LIPC: variants seen among roughly 807,000 people sequenced by gnomAD.
The protein encoded by LIPC is hepatic triacylglycerol lipase.
In LIPC, 44 loss-of-function variants were observed where a neutral mutation model predicts 50.7. That is an observed-to-expected ratio of 0.87 (90% CI 0.68 to 1.11). The LOEUF (loss-of-function observed/expected upper bound fraction) is 1.11, where lower values mean the gene tolerates loss of function less well. Among genes scored for constraint, LIPC ranks in the 50% most tolerant of loss-of-function variants. LIPC has a pLI of 0.00. For synonymous variants in LIPC, 271 were observed against 256.4 expected (o/e 1.06, Z -0.54); for missense variants, 697 against 648.2 (o/e 1.08, Z -0.82).
intron 1 of LIPC, among the ~76,000 whole-genome samples, chr15:58,491,896 A>G (rs959022710): frequency 3.3e-5 from 5 of 152,158 alleles, no homozygotes; most frequent in Admixed American, 6.5e-5. Flanking sequence ...CCTTCCAGAG[A>G]TGCTAACAGG....
intron 1 of LIPC, among the ~76,000 whole-genome samples, chr15:58,530,304 A>G (rs1428463865): frequency 1.3e-5 from 2 of 152,136 alleles, no homozygotes; most frequent in East Asian, 3.9e-4. Flanking sequence ...ACCCTGCTCC[A>G]TGAGGGCTGG....
Position 58,512,961 on chromosome 15 carries a change from G to GA in LIPC, c.89-25358dup, listed in dbSNP as rs112463338. Among the ~76,000 whole-genome samples, 819 of 125,258 alleles carry GA rather than the reference G, an allele frequency of 6.5e-3. 6 individuals carry two copies. The highest frequency in any genetic ancestry group is 0.016 in the African/African-American group (526 of 33,712). The allele number at this position is 125,258 out of a possible 152,430, so 82.2% of individuals were successfully genotyped here. ...ATTGGGCAAAACACAAAGCATCAACGAAAAAAAAAAAAAAGTAAAAGTACA... is the reference window on the plus strand; with the variant it reads ...ATTGGGCAAAACACAAAGCATCAACGAAAAAAAAAAAAAAAGTAAAAGTACA... On this transcript the variant is annotated intron_variant, in intron 1 of 8. Transcript: ENST00000299022.
chr15:58,538,462 A>G lies in LIPC; in HGVS notation c.218A>G (p.Gln73Arg). 1.2e-6 allele frequency: 2 copies of G among 1,614,240 alleles called. No individual in the cohort carries two copies. The highest frequency in any genetic ancestry group is 1.7e-6 in the Non-Finnish European group (2 of 1,180,042). ...QIRINHPDTL[Q>R]ECGFNSSLPL... ...CGAATCAATCATCCGGACACGTTAC[A>G]GGAGTGCGGCTTCAACTCCTCCCTG... The change falls in exon 2 of 9, where the codon CAG (glutamine) becomes CGG (arginine). Residue 73 changes from glutamine (Q) to arginine (R), a missense_variant. Physicochemically the swap from Gln to Arg is conservative, Grantham distance 43. Transcript: ENST00000299022.
At chr15:58,446,903 T>G (rs1328392450) in intron 1 of LIPC, among the ~76,000 whole-genome samples, 1 of 152,008 alleles carries the variant, frequency 6.6e-6, no homozygotes, top group East Asian at 1.9e-4. Context: ...CCACAGCACT[T>G]TGGGAGGCCA....
intron 1 of LIPC, among the ~76,000 whole-genome samples, chr15:58,510,791 T>G (rs1194281532): frequency 6.6e-6 from 1 of 152,244 alleles, no homozygotes; most frequent in African/African-American, 2.4e-5. Flanking sequence ...CTGGATTCAA[T>G]GAAATACTAT....
intron 8 of LIPC, 165 bp downstream of exon 8, chr15:58,563,888 A>G: frequency 1.5e-6 from 1 of 681,052 alleles, no homozygotes; most frequent in Non-Finnish European, 2.7e-6. Context: ...AACTTTACAC[A>G]GCCACAGGTG....
At chr15:58,557,379 CTTTT>C (rs386383140) in intron 6 of LIPC, among the ~76,000 whole-genome samples, 29 of 75,698 alleles carry the variant, frequency 3.8e-4, no homozygotes, top group Non-Finnish European at 4.6e-4. Flanking sequence ...ATTATATGCT[CTTTT>C]TTTTTTTTTT....
chr15:58,565,015 T>A (rs1894310524), intron 8 of LIPC, among the ~76,000 whole-genome samples: 1 of 152,222 alleles, frequency 6.6e-6, no homozygotes, highest in African/African-American at 2.4e-5. Flanking sequence ...TTCTAACCTC[T>A]GAACTACCCT....
chr15:58,496,956 A>T (rs1438322371), intron 1 of LIPC, among the ~76,000 whole-genome samples: 1 of 152,134 alleles, frequency 6.6e-6, no homozygotes, highest in Non-Finnish European at 1.5e-5. Flanking sequence ...AAGTGCTGGG[A>T]TTACAGGCAT....
At position 58,470,597 on chromosome 15, in the gene LIPC, C is replaced by CTTTTTTTTT. The variant is rs5812936; in HGVS notation, c.88+38485_88+38493dup. Among the ~76,000 whole-genome samples, 6 of 136,306 alleles carry CTTTTTTTTT rather than the reference C, an allele frequency of 4.4e-5. 1 individual carries two copies. The highest frequency in any genetic ancestry group is 7.9e-5 in the Non-Finnish European group (5 of 63,250). 89.4% of individuals were successfully genotyped at this position (136,306 alleles called of 152,430 possible). ...ATACAGAAAGAATTGCATTTAACTCCTTTTTTTTTTTTTTTTGGTAGAGAC... is the reference window on the plus strand; with the variant it reads ...ATACAGAAAGAATTGCATTTAACTCCTTTTTTTTTTTTTTTTTTTTTTTTTGGTAGAGAC... On this transcript the variant is annotated intron_variant, in intron 1 of 8. Transcript: ENST00000299022.
chr15:58,533,491 G>A (rs535050606), intron 1 of LIPC, among the ~76,000 whole-genome samples: 60 of 152,254 alleles, frequency 3.9e-4, no homozygotes, highest in African/African-American at 1.3e-3. Flanking sequence ...AATAGATTCC[G>A]ATAAATATTT....
rs766788463 is a variant in LIPC, at chr15:58,538,471, G to A, written c.227G>A (p.Gly76Asp). 2.5e-6 allele frequency: 4 copies of A among 1,614,210 alleles called. No homozygotes were observed. Among genetic ancestry groups the A allele is most frequent in the Non-Finnish European group, 3.4e-6 (4 of 1,180,034 alleles). The change falls in exon 2 of 9, where the codon GGC (glycine) becomes GAC (aspartate). Residue 76 changes from glycine (G) to aspartate (D), a missense_variant. Transcript: ENST00000299022. ...INHPDTLQEC[G>D]FNSSLPLVMI... ...CATCCGGACACGTTACAGGAGTGCG[G>A]CTTCAACTCCTCCCTGCCTCTGGTG...
At chr15:58,445,998 T>A (rs921533670) in intron 1 of LIPC, among the ~76,000 whole-genome samples, 2 of 152,212 alleles carry the variant, frequency 1.3e-5, no homozygotes, top group Admixed American at 6.5e-5. Context: ...AAGGATACAA[T>A]GAATTTCCAT....
At chr15:58,537,320 A>G (rs903030299) in intron 1 of LIPC, among the ~76,000 whole-genome samples, 3 of 152,094 alleles carry the variant, frequency 2.0e-5, no homozygotes, top group Non-Finnish European at 4.4e-5. Flanking sequence ...CCACCCCTCC[A>G]AAGTGGCTCA....
intron 6 of LIPC, 89 bp from the exon 7 acceptor site, chr15:58,560,775 A>G (rs1445943860): frequency 4.2e-6 from 3 of 706,716 alleles, no homozygotes; most frequent in South Asian, 3.1e-5. Flanking sequence ...TTCCCTCTGC[A>G]TGTTTAAATT....
chr15:58,489,261 A>C lies in LIPC; in HGVS notation c.89-49072A>C, dbSNP rs1021351059. Among the ~76,000 whole-genome samples, 6 of 130,642 alleles carry C rather than the reference A, an allele frequency of 4.6e-5. No individual in the cohort carries two copies. In the Admixed American group the frequency reaches 5.6e-4, roughly 12 times the overall value. 85.7% of individuals were successfully genotyped at this position (130,642 alleles called of 152,430 possible). The stretch of plus-strand genomic sequence containing the variant: ...TACAAGCTTCCCAGGGTTCAGGAGC[A>C]CTCTATTAAATAGCTGTTGTAATCA... On this transcript the variant is annotated intron_variant, in intron 1 of 8. Coordinates refer to ENST00000299022, the MANE Select transcript of LIPC (RefSeq NM_000236.3).
chr15:58,483,608 CCA>C (rs1269690802), intron 1 of LIPC, among the ~76,000 whole-genome samples: 1 of 152,096 alleles, frequency 6.6e-6, no homozygotes, highest in African/African-American at 2.4e-5. Context: ...CCAAAATAAA[CCA>C]CAGATACAAA....
chr15:58,484,880 CAG>C (rs1355156464), intron 1 of LIPC, among the ~76,000 whole-genome samples: 3 of 152,230 alleles, frequency 2.0e-5, no homozygotes, highest in East Asian at 1.9e-4. Flanking sequence ...ACTAGACTAA[CAG>C]GGGAGGAAGT....
chr15:58,544,675 G>A (rs1893461481), intron 4 of LIPC, among the ~76,000 whole-genome samples: 1 of 152,120 alleles, frequency 6.6e-6, no homozygotes, highest in Non-Finnish European at 1.5e-5. Context: ...GGATTACCAG[G>A]CGTGAGCCAC....
Sources: allele counts gnomAD v4.1 joint callset (sites outside exome capture counted in the v4.1 genomes callset), GRCh38; gene constraint gnomAD v4.1.1; transcripts MANE v1.5; gene names NCBI Gene and HGNC (gene_info 2026-07-23, HGNC 2026-07-21).